HIP1R: variants seen among roughly 807,000 people sequenced by gnomAD.
HIP1R encodes huntingtin interacting protein 1 related.
In HIP1R, 135 loss-of-function variants were observed where a neutral mutation model predicts 144.2. The observed-to-expected ratio is 0.94, with a 90% CI of 0.81 to 1.08. The LOEUF (loss-of-function observed/expected upper bound fraction) is 1.08, where lower values mean the gene tolerates loss of function less well. Ranked by LOEUF, HIP1R falls within the 50% of genes least tolerant of loss-of-function variation. The probability of loss-of-function intolerance (pLI) is 0.00; values close to 1 mark genes in which losing one functional copy is unlikely to be tolerated. For missense variants in HIP1R, 1,462 were observed against 1,432.8 expected (o/e 1.02, Z -0.33); for synonymous variants, 698 against 612.8 (o/e 1.14, Z -2.05).
chr12:122,837,552 C>G (rs1321925087), intron 1 of HIP1R, among the ~76,000 whole-genome samples: 1 of 152,218 alleles, frequency 6.6e-6, no homozygotes, highest in African/African-American at 2.4e-5. Flanking sequence ...CTCCTGACCT[C>G]AGGCGATCCA....
rs772757888 is a variant in HIP1R, at chr12:122,855,875, G to A, written c.1100G>A (p.Arg367His). 1.5e-4 allele frequency: 230 copies of A among 1,530,090 alleles called. No homozygotes were observed. The Middle Eastern group carries it at 1.5e-3, about 10-fold the overall frequency. 94.8% of individuals were successfully genotyped at this position (1,530,090 alleles called of 1,614,324 possible). ...ESLKREVEML[R>H]SELEKIKLEA... ...TTGAAGAGAGAGGTGGAAATGCTCC[G>A]CTCTGAACTGGAGAAGATCAAGCTG... Residue 367 changes from arginine (R) to histidine (H), a missense_variant, in exon 13 of 32, where the codon CGC becomes CAC. Around this residue, in one of 2 missense-constraint regions of HIP1R, gnomAD observed 1,112 missense variants for 1,011.7 expected, o/e 1.10. Transcript: ENST00000253083.
At chr12:122,857,619 C>G (rs2033628099) in intron 18 of HIP1R, 1 of 356,822 alleles carries the variant, frequency 2.8e-6, no homozygotes, top group African/African-American at 2.1e-5. Flanking sequence ...AGTAGAACTG[C>G]TGGGTCTCAC....
Position 122,860,205 on chromosome 12 carries a change from G to A in HIP1R, c.2554G>A (p.Gly852Ser), listed in dbSNP as rs867069120. 5.1e-6 allele frequency: 8 copies of A among 1,560,002 alleles called. No individual in the cohort carries two copies. Among genetic ancestry groups the A allele is most frequent in the East Asian group, 2.4e-5 (1 of 42,162 alleles). ...TSLQKEIVESGRGAATQQEFY... is the reference protein window; with the variant it reads ...TSLQKEIVESSRGAATQQEFY... Reference sequence around the variant, plus strand: ...CCTGCAGAAGGAGATCGTGGAGAGCGGCAGGGTGAGGGGCCGGCGGCAGCA... The same window carrying A: ...CCTGCAGAAGGAGATCGTGGAGAGCAGCAGGGTGAGGGGCCGGCGGCAGCA... The change falls in exon 26 of 32, where the codon GGC becomes AGC. Residue 852 changes from glycine to serine, a missense_variant. Gly to Ser is a moderately conservative substitution (Grantham distance 56). This residue lies in a region of HIP1R where 1,112 missense variants were observed against 1,011.7 expected (regional missense o/e 1.10). Transcript: ENST00000253083.
Position 122,854,161 on chromosome 12 carries a change from G to A in HIP1R, c.696G>A (p.Lys232=), listed in dbSNP as rs1281073264. 1.9e-6 allele frequency: 3 copies of A among 1,613,634 alleles called. No individual in the cohort carries two copies. The highest frequency in any genetic ancestry group is 2.5e-6 in the Non-Finnish European group (3 of 1,179,900). The change falls in exon 8 of 32, where the codon AAG becomes AAA. Residue 232 remains lysine, a synonymous_variant. Transcript: ENST00000253083. ...GCCACCTCTACCACTACACGGTCAAGCTCCTGTTCAAGCTACACTCTTGTG... is the reference window on the plus strand; with the variant it reads ...GCCACCTCTACCACTACACGGTCAAACTCCTGTTCAAGCTACACTCTTGTG... ...DCSHLYHYTV[K]LLFKLHSCLP...
upstream of HIP1R, chr12:122,834,858 A>T: frequency 1.2e-6 from 1 of 851,514 alleles, no homozygotes; most frequent in Non-Finnish European, 1.7e-6. Context: ...AATTGCACAA[A>T]GAGGGGAGAG....
Position 122,856,566 on chromosome 12 carries a change from C to T in HIP1R, c.1518+18C>T, listed in dbSNP as rs1248306342. ...AGTTGAAGGTATGTCCCTTGTGGCA[C>T]AGGGCCCTGCCCCGGCATCCCCAGC... On this transcript the variant is annotated intron_variant, in intron 16 of 31. Coordinates refer to ENST00000253083, the MANE Select transcript of HIP1R (RefSeq NM_003959.3). The T allele has an allele frequency of 6.3e-7, 1 of 1,598,256 alleles. No individual in the cohort carries two copies. The highest frequency in any genetic ancestry group is 1.7e-5 in the Admixed American group (1 of 57,704).
chr12:122,848,546 T>C lies in HIP1R; in HGVS notation c.238T>C (p.Ser80Pro). ...YAIGLPLPSS[S>P]ILSWKFCHVL... Reference sequence around the variant, plus strand: ...CATTGGGCTGCCGCTGCCCAGCAGCTCCATTCTCAGCTGGAAGTTCTGCCA... The same window carrying C: ...CATTGGGCTGCCGCTGCCCAGCAGCCCCATTCTCAGCTGGAAGTTCTGCCA... The change falls in exon 3 of 32, where the codon TCC (serine) becomes CCC (proline). Residue 80 changes from serine (S) to proline (P), a missense_variant. Ser to Pro is a moderately conservative substitution (Grantham distance 74). Coordinates refer to ENST00000253083, the MANE Select transcript of HIP1R (RefSeq NM_003959.3). 6.2e-7 allele frequency: 1 copy of C among 1,613,288 alleles called. No homozygotes were observed. Among genetic ancestry groups the C allele is most frequent in the Non-Finnish European group, 8.5e-7 (1 of 1,179,980 alleles).
chr12:122,838,688 T>A (rs544628450), intron 1 of HIP1R, among the ~76,000 whole-genome samples: 1 of 152,238 alleles, frequency 6.6e-6, no homozygotes, highest in Admixed American at 6.5e-5. Flanking sequence ...GAATTAGAGT[T>A]TTTCATCAGC....
chr12:122,854,613 C>T (rs569426236), intron 8 of HIP1R, among the ~76,000 whole-genome samples: 3 of 152,348 alleles, frequency 2.0e-5, no homozygotes, highest in Admixed American at 6.5e-5. Context: ...CTGGGACCAA[C>T]GTGTTTGGTG....
intron 1 of HIP1R, among the ~76,000 whole-genome samples, chr12:122,847,426 T>C (rs1295355266): frequency 6.6e-6 from 1 of 152,106 alleles, no homozygotes; most frequent in Non-Finnish European, 1.5e-5. Context: ...CACTCCTGCC[T>C]TCCTCCGCCC....
chr12:122,848,497 G>T lies in HIP1R; in HGVS notation c.189G>T (p.Gly63=). The change falls in exon 3 of 32, where the codon GGG becomes GGT. Residue 63 remains glycine (G), a synonymous_variant. Transcript: ENST00000253083. Reference sequence around the variant, plus strand: ...TTCTGGGCACACACCACGAGAAGGGGGCTTTCACCTTCTGGTCCTACGCCA... The same window carrying T: ...TTCTGGGCACACACCACGAGAAGGGTGCTTTCACCTTCTGGTCCTACGCCA... ...RIILGTHHEK[G]AFTFWSYAIG... The T allele has an allele frequency of 6.2e-7, 1 of 1,613,244 alleles. No individual in the cohort carries two copies.
At chr12:122,856,948 T>G in intron 17 of HIP1R, 73 bp from the exon 18 acceptor site, 2 of 1,410,644 alleles carry the variant, frequency 1.4e-6, no homozygotes, top group Non-Finnish European at 1.9e-6. Context: ...GGGCCCAGTT[T>G]ATAAGCGTGG....
At chr12:122,846,831 C>T (rs2033224119) in intron 1 of HIP1R, among the ~76,000 whole-genome samples, 1 of 152,232 alleles carries the variant, frequency 6.6e-6, no homozygotes, top group Admixed American at 6.5e-5. Flanking sequence ...GGTAGGGCCC[C>T]CCAGCTTCCC....
intron 27 of HIP1R, 59 bp from the exon 28 acceptor site, chr12:122,860,620 G>A: frequency 6.4e-7 from 1 of 1,567,862 alleles, no homozygotes; most frequent in South Asian, 1.1e-5. Context: ...GGGGTGTGGA[G>A]TGGTGCCAGC....
At chr12:122,851,045 G>A (rs373768877) in intron 6 of HIP1R, 134 bp downstream of exon 6, 6 of 894,310 alleles carry the variant, frequency 6.7e-6, no homozygotes, top group South Asian at 4.6e-5. Flanking sequence ...TGATGCTCAC[G>A]CTCCCAGGGA....
At position 122,856,078 on chromosome 12, in the gene HIP1R, T is replaced by A; in HGVS notation, c.1227T>A (p.Asn409Lys). ...RKQKQKALVD[N>K]EQLRHELAQL... ...AGAAGCAGAAGGCCCTGGTGGATAA[T>A]GAGCAGCTCCGCCACGAGCTGGCCC... Residue 409 changes from asparagine (N) to lysine (K), a missense_variant, in exon 14 of 32, where the codon AAT becomes AAA. By Grantham distance (94) the Asn-to-Lys change is moderately conservative. Around this residue, in one of 2 missense-constraint regions of HIP1R, gnomAD observed 1,112 missense variants for 1,011.7 expected, o/e 1.10. Coordinates refer to ENST00000253083, the MANE Select transcript of HIP1R (RefSeq NM_003959.3). 1 of 1,588,164 alleles carries A rather than the reference T, an allele frequency of 6.3e-7. No homozygotes were observed.
intron 1 of HIP1R, among the ~76,000 whole-genome samples, chr12:122,845,364 T>C (rs1443951834): frequency 6.6e-6 from 1 of 152,184 alleles, no homozygotes; most frequent in Non-Finnish European, 1.5e-5. Context: ...GGTGCACACA[T>C]CTGCCCATCC....
rs762195875 is a variant in HIP1R at position 122,856,271 on chromosome 12, C to T, written c.1328C>T (p.Thr443Met). The T allele has an allele frequency of 1.6e-5, 26 of 1,613,794 alleles. No homozygotes were observed. The highest frequency in any genetic ancestry group is 1.1e-4 in the South Asian group (10 of 91,084). ...REEAERKASA[T>M]EARYNKLKEK... ...TCGCCCCCAGGGAAGGCCAGTGCCA[C>T]GGAGGCGCGCTACAACAAGCTGAAG... Residue 443 changes from threonine (T) to methionine (M), a missense_variant, in exon 15 of 32, where the codon ACG (threonine) becomes ATG (methionine). By Grantham distance (81) the Thr-to-Met change is moderately conservative (BLOSUM62 -1). Coordinates refer to ENST00000253083, the MANE Select transcript of HIP1R (RefSeq NM_003959.3).
intron 1 of HIP1R, among the ~76,000 whole-genome samples, chr12:122,844,406 G>A (rs575863046): frequency 2.0e-5 from 3 of 152,174 alleles, no homozygotes; most frequent in Non-Finnish European, 2.9e-5. Flanking sequence ...GATTATAGGC[G>A]TGCGCCACTG....
Sources: gnomAD v4.1 joint callset for allele counts (sites outside exome capture counted in the v4.1 genomes callset) on GRCh38, gnomAD v4.1.1 for gene constraint, gnomAD v4.1.1 regional missense constraint, MANE v1.5 for transcripts, NCBI Gene and HGNC (gene_info 2026-07-23, HGNC 2026-07-21) for gene names.